The following CEP250 variants were observed in gnomAD, a reference collection of about 807,000 sequenced individuals.
CEP250 encodes the protein centrosomal protein 250.
Under a neutral mutation model 315.7 loss-of-function variants are expected in CEP250, and 242 were observed. The observed-to-expected ratio is 0.77, with a 90% CI of 0.69 to 0.85. The LOEUF (loss-of-function observed/expected upper bound fraction) is 0.85, where lower values mean the gene tolerates loss of function less well. Ranked by LOEUF, CEP250 falls within the 40% of genes least tolerant of loss-of-function variation. The pLI, the probability that CEP250 is intolerant of heterozygous loss-of-function variation, is 0.00. For synonymous variants in CEP250, 1,088 were observed against 1,175.0 expected (o/e 0.93, Z 1.51); for missense variants, 2,515 against 2,886.4 (o/e 0.87, Z 2.95).
intron 20 of CEP250, among the ~76,000 whole-genome samples, chr20:35,487,179 C>T (rs2063536150): frequency 6.6e-6 from 1 of 152,076 alleles, no homozygotes; most frequent in African/African-American, 2.4e-5. Flanking sequence ...TAGAAGCACT[C>T]TTGGGAGGCC....
chr20:35,504,201 T>G lies in CEP250; in HGVS notation c.5832T>G (p.Ala1944=), dbSNP rs1289826160. The G allele has an allele frequency of 6.2e-7, 1 of 1,612,602 alleles. No individual in the cohort carries two copies. The highest frequency in any genetic ancestry group is 1.7e-4 in the Middle Eastern group (1 of 6,054). The change falls in exon 30 of 35, where the codon GCT becomes GCG. Residue 1944 remains alanine, a synonymous_variant. Coordinates refer to ENST00000397527, the MANE Select transcript of CEP250 (RefSeq NM_007186.6). The part of the protein sequence containing the change: ...VLKERDQELE[A]LRAESQSSRH... ...AGGAACGGGACCAGGAGCTGGAAGCTCTGCGGGCAGAAAGTCAGTCCTCCC... is the reference window on the plus strand; with the variant it reads ...AGGAACGGGACCAGGAGCTGGAAGCGCTGCGGGCAGAAAGTCAGTCCTCCC...
At chr20:35,485,789 G>A (rs1419363848) in intron 20 of CEP250, among the ~76,000 whole-genome samples, 2 of 148,730 alleles carry the variant, frequency 1.3e-5, no homozygotes, top group Non-Finnish European at 3.0e-5. Context: ...TGAGTAGCTG[G>A]GACCACAGGC....
At chr20:35,481,534 A>T (rs1401793806) in intron 20 of CEP250, among the ~76,000 whole-genome samples, 2 of 151,822 alleles carry the variant, frequency 1.3e-5, no homozygotes, top group African/African-American at 2.4e-5. Flanking sequence ...TTATTGTTTT[A>T]TACAGTCAAT....
rs1362624389 is a variant in CEP250 at position 35,474,052 on chromosome 20, T to C, written c.1571T>C (p.Leu524Pro). The C allele has an allele frequency of 1.0e-5, 16 of 1,543,672 alleles. No individual in the cohort carries two copies. The highest frequency in any genetic ancestry group is 1.3e-5 in the Non-Finnish European group (15 of 1,149,272). ...CTGGCTGTCCGGGAGAGGGAGCGTC[T>C]GTAAGTGAGACTAGTCTCCTCCTCG... ...LHLAVRERER[L>P]QEMLMGLEAK... The change falls in exon 14 of 35, where the codon CTT becomes CCT. Residue 524 changes from leucine to proline, a missense_variant and splice_region_variant. Transcript: ENST00000397527.
rs768431825 is a variant in CEP250 at position 35,504,029 on chromosome 20, A to G, written c.5660A>G (p.Glu1887Gly). The G allele has an allele frequency of 5.4e-5, 87 of 1,606,296 alleles. No homozygotes were observed. Among genetic ancestry groups the G allele is most frequent in the Non-Finnish European group, 7.1e-5 (84 of 1,175,848 alleles). Reference sequence around the variant, plus strand: ...GGACGGCGGGTCCAGGCCCTGGAGGAGGTGCTGGGAGACCTAAGGGCTGAG... The same window carrying G: ...GGACGGCGGGTCCAGGCCCTGGAGGGGGTGCTGGGAGACCTAAGGGCTGAG... ...VEGRRVQALE[E>G]VLGDLRAESR... is the part of the protein sequence containing the mutation. Residue 1887 changes from glutamate (E) to glycine (G), a missense_variant, in exon 30 of 35, where the codon GAG (glutamate) becomes GGG (glycine). Physicochemically the swap from Glu to Gly is moderately conservative, Grantham distance 98 (BLOSUM62 -2). Transcript: ENST00000397527.
At chr20:35,508,647 A>G (rs2064265357) in intron 32 of CEP250, among the ~76,000 whole-genome samples, 2 of 152,172 alleles carry the variant, frequency 1.3e-5, no homozygotes. Flanking sequence ...ACAGCCATGC[A>G]TTGTTTATGG....
intron 20 of CEP250, among the ~76,000 whole-genome samples, chr20:35,484,877 T>C (rs757579761): frequency 4.6e-5 from 7 of 152,138 alleles, no homozygotes; most frequent in Non-Finnish European, 1.0e-4. Context: ...GATAAAACTT[T>C]ATGTATAGAT....
intron 20 of CEP250, among the ~76,000 whole-genome samples, chr20:35,489,606 T>C (rs533644982): frequency 2.4e-4 from 37 of 152,280 alleles, no homozygotes; most frequent in African/African-American, 8.9e-4. Context: ...GCAGCCCAAC[T>C]CCAGAGCCCT....
intron 20 of CEP250, among the ~76,000 whole-genome samples, chr20:35,480,529 G>GT (rs1332154611): frequency 2.0e-5 from 3 of 149,358 alleles, no homozygotes; most frequent in Admixed American, 6.7e-5. Flanking sequence ...TTTTATTGTG[G>GT]TTTTAGGTGT....
Position 35,491,274 on chromosome 20 carries a change from G to C in CEP250, c.2817G>C (p.Lys939Asn), listed in dbSNP as rs1251867338. The C allele has an allele frequency of 1.2e-6, 2 of 1,607,510 alleles. No individual in the cohort carries two copies. The highest frequency in any genetic ancestry group is 4.5e-5 in the East Asian group (2 of 44,688). Residue 939 changes from lysine to asparagine, a missense_variant, in exon 22 of 35, where the codon AAG becomes AAC. Transcript: ENST00000397527. ...SLLETLLQTQ[K>N]ELADASQQLE... is the part of the protein sequence containing the mutation. The stretch of plus-strand genomic sequence containing the variant: ...TGGAGACACTGCTGCAGACGCAGAA[G>C]GAGCTAGCAGATGCCAGCCAACAAC...
rs2147208997 is a variant in CEP250, at chr20:35,508,110, C to T, written c.6826C>T (p.Gln2276Ter). ...QSWRQRLEHL[Q>*]QAVARLEIDR... is the part of the protein sequence containing the mutation. ...ATGGAGACAAAGGCTTGAACACCTGCAGCAAGCAGTGGCCCGGCTGGAGAT... is the reference window on the plus strand; with the variant it reads ...ATGGAGACAAAGGCTTGAACACCTGTAGCAAGCAGTGGCCCGGCTGGAGAT... Residue 2276 changes from glutamine (Q) to a stop codon, truncating the protein, a stop_gained, in exon 32 of 35, where the codon CAG becomes TAG. Transcript: ENST00000397527. LOFTEE classifies it high-confidence loss of function. 1 of 1,614,136 alleles carries T rather than the reference C, an allele frequency of 6.2e-7. No individual in the cohort carries two copies. Among genetic ancestry groups the T allele is most frequent in the Non-Finnish European group, 8.5e-7 (1 of 1,180,010 alleles).
rs746132859 is a variant in CEP250 at position 35,504,768 on chromosome 20, A to G, written c.6399A>G (p.Pro2133=). 32 of 1,614,086 alleles carry G rather than the reference A, an allele frequency of 2.0e-5. No homozygotes were observed. Among genetic ancestry groups the G allele is most frequent in the South Asian group, 1.1e-5 (1 of 91,088 alleles). ...EALPHSHKTS[P]MEEQSLKLDS... The stretch of plus-strand genomic sequence containing the variant: ...TACCCCACAGCCACAAAACCTCCCC[A>G]ATGGAGGAACAATCTCTAAAACTTG... Residue 2133 remains proline, a synonymous_variant, in exon 30 of 35, where the codon CCA becomes CCG. Coordinates refer to ENST00000397527, the MANE Select transcript of CEP250 (RefSeq NM_007186.6).
rs374754443 is a variant in CEP250 at position 35,504,290 on chromosome 20, A to G, written c.5921A>G (p.His1974Arg). Residue 1974 changes from histidine to arginine, a missense_variant, in exon 30 of 35, where the codon CAT (histidine) becomes CGT (arginine). Coordinates refer to ENST00000397527, the MANE Select transcript of CEP250 (RefSeq NM_007186.6). Reference protein sequence around the residue: ...EALQEALGKAHAALQGKEQHL... With the variant: ...EALQEALGKARAALQGKEQHL... ...CTGCAGGAGGCCCTTGGCAAGGCTCATGCTGCCCTGCAGGGGAAAGAGCAG... is the reference window on the plus strand; with the variant it reads ...CTGCAGGAGGCCCTTGGCAAGGCTCGTGCTGCCCTGCAGGGGAAAGAGCAG... The G allele has an allele frequency of 6.3e-6, 10 of 1,588,322 alleles. No homozygotes were observed. In the African/African-American group the frequency reaches 1.3e-4, roughly 21 times the overall value.
chr20:35,504,392 G>C lies in CEP250; in HGVS notation c.6023G>C (p.Cys2008Ser). 1 of 1,603,562 alleles carries C rather than the reference G, an allele frequency of 6.2e-7. No individual in the cohort carries two copies. Among genetic ancestry groups the C allele is most frequent in the East Asian group, 2.2e-5 (1 of 44,466 alleles). ...TATLQASLDACQAHSRQLEEA... is the reference protein window; with the variant it reads ...TATLQASLDASQAHSRQLEEA... ...ACCCTGCAAGCCTCCCTGGATGCCT[G>C]CCAGGCACACAGTCGGCAGCTGGAG... Residue 2008 changes from cysteine (C) to serine (S), a missense_variant, in exon 30 of 35, where the codon TGC becomes TCC. Cys to Ser is a moderately radical substitution (Grantham distance 112). Coordinates refer to ENST00000397527, the MANE Select transcript of CEP250 (RefSeq NM_007186.6).
rs1201856358 is a variant in CEP250 at position 35,485,061 on chromosome 20, C to CT, written c.2586+4919dup. Reference sequence around the variant, plus strand: ...TGGGCAACATAGCAAGACCCTATCTCTTTAAAAAAAAAAAAAAAAAAAAGG... The same window carrying CT: ...TGGGCAACATAGCAAGACCCTATCTCTTTTAAAAAAAAAAAAAAAAAAAAGG... On this transcript the variant is annotated intron_variant, in intron 20 of 34. Transcript: ENST00000397527. Among the ~76,000 whole-genome samples the CT allele has an allele frequency of 6.1e-3, 322 of 52,716 alleles. 1 individual carries two copies. Among genetic ancestry groups the CT allele is most frequent in the African/African-American group, 0.025 (305 of 12,346 alleles). The allele number at this position is 52,716 out of a possible 152,430, so 34.6% of individuals were successfully genotyped here. A position where few individuals can be genotyped will look rare whatever the true frequency, so the allele number is the denominator to read the frequency against.
intron 2 of CEP250, among the ~76,000 whole-genome samples, chr20:35,459,046 G>T (rs1432423639): frequency 7.8e-6 from 1 of 128,132 alleles, no homozygotes; most frequent in Non-Finnish European, 1.5e-5. Context: ...GGCCAGGCTG[G>T]TCTCGAACTC....
Position 35,500,148 on chromosome 20 carries a change from C to T in CEP250, c.3877C>T (p.Gln1293Ter), listed in dbSNP as rs2063961998. The change falls in exon 28 of 35, where the codon CAG (glutamine) becomes TAG (stop). Residue 1293 changes from glutamine to a stop codon, truncating the protein, a stop_gained. Coordinates refer to ENST00000397527, the MANE Select transcript of CEP250 (RefSeq NM_007186.6). LOFTEE classifies it high-confidence loss of function. ...VHTELQDLQR[Q>*]LSQNQEEKSK... ...CACAGAGTTGCAGGATCTGCAGAGA[C>T]AGCTCTCCCAGAATCAGGAAGGTGA... 2 of 1,613,778 alleles carry T rather than the reference C, an allele frequency of 1.2e-6. No individual in the cohort carries two copies. Among genetic ancestry groups the T allele is most frequent in the African/African-American group, 1.3e-5 (1 of 74,856 alleles).
chr20:35,506,211 T>C (rs1302158046), intron 30 of CEP250, among the ~76,000 whole-genome samples: 1 of 151,956 alleles, frequency 6.6e-6, no homozygotes, highest in East Asian at 1.9e-4. Context: ...TGAGGTCAGT[T>C]TGGAAATGGA....
chr20:35,482,636 T>G (rs1305904112), intron 20 of CEP250, among the ~76,000 whole-genome samples: 1 of 152,098 alleles, frequency 6.6e-6, no homozygotes, highest in Non-Finnish European at 1.5e-5. Flanking sequence ...CTCGGCTCAC[T>G]GTAACTTCCA....
Sources: allele counts gnomAD v4.1 joint callset (sites outside exome capture counted in the v4.1 genomes callset), GRCh38; gene constraint gnomAD v4.1.1; transcripts MANE v1.5; gene names NCBI Gene and HGNC (gene_info 2026-07-23, HGNC 2026-07-21).